GAPVD1: variants seen among roughly 807,000 people sequenced by gnomAD.
The protein encoded by GAPVD1 is GTPase-activating protein and VPS9 domain-containing protein 1.
GAPVD1 carries 35 observed loss-of-function variants against 155.5 expected under a neutral mutation model. The ratio of observed to expected loss-of-function variants is 0.23; its 90% CI spans 0.17 to 0.30. GAPVD1 has a LOEUF of 0.30. Ranked by LOEUF, GAPVD1 falls within the 10% of genes least tolerant of loss-of-function variation. The pLI, the probability that GAPVD1 is intolerant of heterozygous loss-of-function variation, is 1.00. For synonymous variants in GAPVD1, 636 were observed against 619.7 expected (o/e 1.03, Z -0.39); for missense variants, 1,429 against 1,775.7 (o/e 0.80, Z 3.51).
intron 1 of GAPVD1, among the ~76,000 whole-genome samples, chr9:125,268,180 C>A (rs1315377945): frequency 2.1e-5 from 3 of 142,402 alleles, no homozygotes; most frequent in Non-Finnish European, 1.5e-5. Context: ...AAAACAACAA[C>A]AAACAAACAA....
chr9:125,334,165 T>C (rs1219601346), intron 15 of GAPVD1, among the ~76,000 whole-genome samples: 1 of 151,940 alleles, frequency 6.6e-6, no homozygotes, highest in Non-Finnish European at 1.5e-5. Flanking sequence ...CTGTCCATTT[T>C]CACCGTGTCG....
In GAPVD1 at chr9:125,308,607, GCTAT is replaced by G. The variant is rs765537915; in HGVS notation, c.1441+734_1441+737del. 8 of 152,032 alleles carry G rather than the reference GCTAT, an allele frequency of 5.3e-5. No individual in the cohort carries two copies. In the East Asian group the frequency reaches 1.4e-3, roughly 26 times the overall value. 9.4% of individuals were successfully genotyped at this position (152,032 alleles called of 1,614,324 possible). On this transcript the variant is annotated intron_variant, in intron 8 of 27. Coordinates refer to ENST00000297933, the MANE Select transcript of GAPVD1 (RefSeq NM_001282680.3). Reference sequence around the variant, plus strand: ...AGCCTTATTTGCTTGGTTAACATTTGCTATCTATCTGTCTATAAAAAAATTAATT... The same window carrying G: ...AGCCTTATTTGCTTGGTTAACATTTGCTATCTGTCTATAAAAAAATTAATT...
At chr9:125,352,438 G>A (rs1180639510) in intron 23 of GAPVD1, among the ~76,000 whole-genome samples, 1 of 152,232 alleles carries the variant, frequency 6.6e-6, no homozygotes, top group Non-Finnish European at 1.5e-5. Flanking sequence ...CATGGAATCT[G>A]CCGAGGCTTG....
intron 9 of GAPVD1, among the ~76,000 whole-genome samples, chr9:125,318,778 G>T (rs985731871): frequency 1.3e-5 from 2 of 151,966 alleles, no homozygotes; most frequent in Admixed American, 6.6e-5. Context: ...TTCCAGGGAT[G>T]GTGGCTCACA....
At chr9:125,280,869 C>G (rs1419339645) in intron 2 of GAPVD1, among the ~76,000 whole-genome samples, 2 of 152,034 alleles carry the variant, frequency 1.3e-5, no homozygotes, top group Non-Finnish European at 2.9e-5. Flanking sequence ...GTCAACGTGC[C>G]CAGCCAACTG....
intron 26 of GAPVD1, 35 bp downstream of exon 26, chr9:125,359,527 CTA>C: frequency 3.0e-6 from 3 of 989,098 alleles, no homozygotes; most frequent in Non-Finnish European, 4.9e-6. Context: ...GTAATGTTAA[CTA>C]AATGCTGCGT....
chr9:125,309,105 T>G (rs1450113452), intron 8 of GAPVD1: 1 of 152,180 alleles, frequency 6.6e-6, no homozygotes, highest in African/African-American at 2.4e-5. Flanking sequence ...TTATGCATTT[T>G]GAAGAGAGGG....
At chr9:125,342,450 G>A in intron 19 of GAPVD1, 151 bp downstream of exon 19, 1 of 597,222 alleles carries the variant, frequency 1.7e-6, no homozygotes, top group Middle Eastern at 2.6e-4. Context: ...GTGGTTTCCA[G>A]TTGGTGGCCA....
intron 23 of GAPVD1, among the ~76,000 whole-genome samples, 189 bp from the exon 24 acceptor site, chr9:125,354,465 A>G (rs1849768637): frequency 6.6e-6 from 1 of 152,178 alleles, no homozygotes; most frequent in African/African-American, 2.4e-5. Context: ...TGGCACCATG[A>G]TCAGTCTCTA....
intron 2 of GAPVD1, among the ~76,000 whole-genome samples, chr9:125,277,884 T>C (rs1272372474): frequency 6.6e-6 from 1 of 152,006 alleles, no homozygotes. Flanking sequence ...CCCAGGCTGG[T>C]CTTGAACTAC....
intron 2 of GAPVD1, among the ~76,000 whole-genome samples, chr9:125,284,489 T>C (rs1276169812): frequency 6.6e-6 from 1 of 151,948 alleles, no homozygotes; most frequent in African/African-American, 2.4e-5. Flanking sequence ...CTTTTTTTTT[T>C]TTTAAAGAGA....
chr9:125,321,558 T>G lies in GAPVD1; in HGVS notation c.1728T>G (p.Ser576=), dbSNP rs773858096. ...GCAGTGATAATCTGGAAGGAATATCTGAAGGTGAAGGGTTACTTCATTCAA... is the reference window on the plus strand; with the variant it reads ...GCAGTGATAATCTGGAAGGAATATCGGAAGGTGAAGGGTTACTTCATTCAA... ...SLCSDNLEGI[S]EGPSNRSNSV... is the part of the protein sequence containing the mutation. The change falls in exon 10 of 28, where the codon TCT becomes TCG. Residue 576 remains serine (S), a synonymous_variant. Coordinates refer to ENST00000297933, the MANE Select transcript of GAPVD1 (RefSeq NM_001282680.3). 3.7e-6 allele frequency: 6 copies of G among 1,612,890 alleles called. No homozygotes were observed. Among genetic ancestry groups the G allele is most frequent in the South Asian group, 2.2e-5 (2 of 91,036 alleles).
At chr9:125,318,784 T>G (rs1390634317) in intron 9 of GAPVD1, among the ~76,000 whole-genome samples, 1 of 151,734 alleles carries the variant, frequency 6.6e-6, no homozygotes, top group Non-Finnish European at 1.5e-5. Flanking sequence ...GGATGGTGGC[T>G]CACACCTGTA....
intron 2 of GAPVD1, among the ~76,000 whole-genome samples, chr9:125,272,239 G>A (rs2131854569): frequency 6.6e-6 from 1 of 152,208 alleles, no homozygotes; most frequent in East Asian, 1.9e-4. Flanking sequence ...GGCCAGGCTG[G>A]TCTTGAACTC....
intron 12 of GAPVD1, among the ~76,000 whole-genome samples, chr9:125,329,249 G>A (rs1845727630): frequency 6.6e-6 from 1 of 152,240 alleles, no homozygotes; most frequent in African/African-American, 2.4e-5. Context: ...GCAGTTGAGT[G>A]AGTGCTATGA....
rs1589158659 is a variant in GAPVD1, at chr9:125,363,156, G to A, written c.*410G>A. The A allele has an allele frequency of 6.5e-6, 1 of 152,690 alleles. No individual in the cohort carries two copies. Among genetic ancestry groups the A allele is most frequent in the East Asian group, 1.9e-4 (1 of 5,204 alleles). 9.5% of individuals were successfully genotyped at this position (152,690 alleles called of 1,614,324 possible). ...TGTCTTACATTAATGAGCATCTAAT[G>A]GAAAGAAGGTATGAGTTGCACTGAG... is the stretch of plus-strand genomic sequence containing the variant. On this transcript the variant is annotated 3_prime_UTR_variant, in exon 28 of 28. Coordinates refer to ENST00000297933, the MANE Select transcript of GAPVD1 (RefSeq NM_001282680.3).
chr9:125,271,739 CGTT>C (rs1834954459), intron 2 of GAPVD1, among the ~76,000 whole-genome samples: 1 of 151,766 alleles, frequency 6.6e-6, no homozygotes, highest in Admixed American at 6.6e-5. Context: ...TTAGTAGAGA[CGTT>C]GTTTCACCGT....
At chr9:125,343,020 G>T (rs1452526100) in intron 19 of GAPVD1, among the ~76,000 whole-genome samples, 1 of 152,202 alleles carries the variant, frequency 6.6e-6, no homozygotes, top group East Asian at 1.9e-4. Flanking sequence ...TAATGACCCA[G>T]TCTTGGGTTT....
At chr9:125,301,701 C>G (rs192689208) in intron 4 of GAPVD1, among the ~76,000 whole-genome samples, 4 of 151,986 alleles carry the variant, frequency 2.6e-5, no homozygotes, top group Admixed American at 2.6e-4. Flanking sequence ...TTGCCCGCCT[C>G]GGCCTCACAA....
Sources: gnomAD v4.1 joint callset for allele counts (sites outside exome capture counted in the v4.1 genomes callset) on GRCh38, gnomAD v4.1.1 for gene constraint, MANE v1.5 for transcripts, NCBI Gene and HGNC (gene_info 2026-07-23, HGNC 2026-07-21) for gene names.